L3MBTL4: variants seen among roughly 807,000 people sequenced by gnomAD.
The protein encoded by L3MBTL4 is L3MBTL histone methyl-lysine binding protein 4, also known as lethal(3)malignant brain tumor-like protein 4.
A neutral mutation model predicts 84.5 loss-of-function variants in L3MBTL4; 70 were observed. The observed-to-expected ratio is 0.83, with a 90% CI of 0.68 to 1.01. L3MBTL4 has a LOEUF of 1.01. L3MBTL4 is among the 50% of genes least tolerant of loss of function. The probability of loss-of-function intolerance (pLI) is 0.00; values close to 1 mark genes in which losing one functional copy is unlikely to be tolerated. For synonymous variants in L3MBTL4, 274 were observed against 259.8 expected (o/e 1.05, Z -0.52); for missense variants, 715 against 754.8 (o/e 0.95, Z 0.62).
At chr18:6,009,703 T>C (rs2054650208) in intron 16 of L3MBTL4, among the ~76,000 whole-genome samples, 1 of 152,204 alleles carries the variant, frequency 6.6e-6, no homozygotes, top group South Asian at 2.1e-4. Context: ...TTTTTACTTG[T>C]GTTATTTTTA....
At chr18:6,351,766 T>A (rs2053208336) in intron 1 of L3MBTL4, among the ~76,000 whole-genome samples, 1 of 152,048 alleles carries the variant, frequency 6.6e-6, no homozygotes, top group Non-Finnish European at 1.5e-5. Context: ...TTAGCCAGGA[T>A]GGTCTCAATC....
chr18:6,397,014 A>AT, intron 1 of L3MBTL4: 2 of 152,232 alleles, frequency 1.3e-5, no homozygotes, highest in Non-Finnish European at 2.9e-5. Flanking sequence ...AGGAATTCTG[A>AT]GAAACTAAGC....
intron 9 of L3MBTL4, among the ~76,000 whole-genome samples, chr18:6,239,399 A>T (rs1359832915): frequency 6.6e-6 from 1 of 152,122 alleles, no homozygotes; most frequent in Non-Finnish European, 1.5e-5. Context: ...GACAAAAAAA[A>T]AAAAATGCTG....
chr18:6,299,148 T>C (rs955477665), intron 4 of L3MBTL4, among the ~76,000 whole-genome samples: 2 of 152,206 alleles, frequency 1.3e-5, no homozygotes. Context: ...AGCCTTCTCT[T>C]AGAGCTATCT....
intron 1 of L3MBTL4, among the ~76,000 whole-genome samples, chr18:6,321,898 G>C (rs1367778734): frequency 6.6e-6 from 1 of 151,966 alleles, no homozygotes; most frequent in Non-Finnish European, 1.5e-5. Flanking sequence ...ACTCAGAACG[G>C]GGAGGCTAGA....
intron 1 of L3MBTL4, among the ~76,000 whole-genome samples, chr18:6,386,717 A>C (rs2054835826): frequency 6.6e-6 from 1 of 152,194 alleles, no homozygotes; most frequent in Non-Finnish European, 1.5e-5. Context: ...GAAGCTGCTC[A>C]AGGAACAACA....
At position 6,163,549 on chromosome 18, in the gene L3MBTL4, T is replaced by A. The variant is rs149190520; in HGVS notation, c.1096+8279A>T. ...GTCAAACAGCAAAAACTGAAAATCA[T>A]AACCAACCAAAGACAGCCAATTACA... On this transcript the variant is annotated intron_variant, in intron 13 of 18. Transcript: ENST00000317931. 3.8e-3 allele frequency among the ~76,000 whole-genome samples: 572 copies of A among 152,198 alleles called. 2 individuals carry two copies. The highest frequency in any genetic ancestry group is 0.013 in the African/African-American group (537 of 41,518).
chr18:6,184,471 T>C (rs1288844485), intron 12 of L3MBTL4, among the ~76,000 whole-genome samples: 1 of 152,208 alleles, frequency 6.6e-6, no homozygotes, highest in Admixed American at 6.5e-5. Flanking sequence ...GTCTAAAGGA[T>C]TTATTTAAGA....
At chr18:6,080,667 C>T (rs538687826) in intron 16 of L3MBTL4, among the ~76,000 whole-genome samples, 16 of 152,098 alleles carry the variant, frequency 1.1e-4, no homozygotes, top group South Asian at 8.3e-4. Flanking sequence ...AGAGTCCAGT[C>T]CTTTTACTTT....
chr18:5,985,639 A>G (rs546378217), intron 16 of L3MBTL4, among the ~76,000 whole-genome samples: 1 of 152,312 alleles, frequency 6.6e-6, no homozygotes, highest in African/African-American at 2.4e-5. Flanking sequence ...TTATAAAGGA[A>G]GGTTCTTAAC....
intron 5 of L3MBTL4, among the ~76,000 whole-genome samples, chr18:6,252,424 CA>C (rs10683991): frequency 1.9e-4 from 29 of 151,394 alleles, no homozygotes; most frequent in Non-Finnish European, 2.9e-4. Flanking sequence ...CATTTTTTAT[CA>C]AAAAAAACAC....
chr18:6,083,616 C>CT (rs1425917057), intron 15 of L3MBTL4, among the ~76,000 whole-genome samples: 1 of 152,226 alleles, frequency 6.6e-6, no homozygotes, highest in East Asian at 1.9e-4. Flanking sequence ...GTCTCAATCT[C>CT]TGTCTAAATC....
intron 5 of L3MBTL4, among the ~76,000 whole-genome samples, chr18:6,258,990 G>T (rs1463853944): frequency 6.6e-6 from 1 of 152,052 alleles, no homozygotes; most frequent in East Asian, 1.9e-4. Flanking sequence ...AGGAGTGGTT[G>T]GGAGCTGGAG....
At chr18:6,037,955 A>C (rs2056214058) in intron 16 of L3MBTL4, among the ~76,000 whole-genome samples, 1 of 152,204 alleles carries the variant, frequency 6.6e-6, no homozygotes, top group Admixed American at 6.5e-5. Context: ...GGGAAGAAAG[A>C]AGTTGATAGG....
intron 10 of L3MBTL4, among the ~76,000 whole-genome samples, chr18:6,217,856 GATA>G (rs2046389841): frequency 1.3e-5 from 2 of 152,078 alleles, no homozygotes; most frequent in South Asian, 4.2e-4. Context: ...TGTGTTTGCT[GATA>G]ATATTTTACC....
intron 12 of L3MBTL4, among the ~76,000 whole-genome samples, chr18:6,196,445 C>A (rs2045401484): frequency 6.6e-6 from 1 of 152,142 alleles, no homozygotes; most frequent in Non-Finnish European, 1.5e-5. Flanking sequence ...GCATGAGCCA[C>A]CGTGCCCGGC....
At chr18:6,388,674 G>T (rs559897958) in intron 1 of L3MBTL4, among the ~76,000 whole-genome samples, 153 of 152,276 alleles carry the variant, frequency 1.0e-3, no homozygotes, top group African/African-American at 3.4e-3. Flanking sequence ...GTATATATGG[G>T]TTTATTTGTG....
chr18:6,083,687 T>A (rs1230051387), intron 15 of L3MBTL4, among the ~76,000 whole-genome samples: 1 of 152,246 alleles, frequency 6.6e-6, no homozygotes, highest in South Asian at 2.1e-4. Flanking sequence ...ATAGCTTTTA[T>A]ATAGTCATAA....
At chr18:6,215,056 T>G (rs903793105) in intron 11 of L3MBTL4, among the ~76,000 whole-genome samples, 1 of 152,196 alleles carries the variant, frequency 6.6e-6, no homozygotes, top group African/African-American at 2.4e-5. Flanking sequence ...GCTCTTGATC[T>G]CTAGACAATT....
Sources: gnomAD v4.1 joint callset for allele counts (sites outside exome capture counted in the v4.1 genomes callset) on GRCh38, gnomAD v4.1.1 for gene constraint, MANE v1.5 for transcripts, NCBI Gene and HGNC (gene_info 2026-07-23, HGNC 2026-07-21) for gene names.